KCND2: variants seen among roughly 807,000 people sequenced by gnomAD.
KCND2 encodes the protein potassium voltage-gated channel subfamily D member 2, also known as A-type voltage-gated potassium channel KCND2.
KCND2 carries 16 observed loss-of-function variants against 54.4 expected under a neutral mutation model. The observed-to-expected ratio is 0.29, with a 90% confidence interval of 0.20 to 0.45. The LOEUF is 0.45. Among genes scored for constraint, KCND2 ranks in the 20% least tolerant of loss-of-function variants. The pLI is 1.00. For missense variants in KCND2, 486 were observed against 824.2 expected (o/e 0.59, Z 5.02); for synonymous variants, 317 against 310.7 (o/e 1.02, Z -0.21).
intron 1 of KCND2, among the ~76,000 whole-genome samples, chr7:120,364,101 ATTTG>A (rs1350464040): frequency 6.6e-6 from 1 of 152,180 alleles, no homozygotes; most frequent in Non-Finnish European, 1.5e-5. Flanking sequence ...CTCAGTAAAT[ATTTG>A]TTGAATGTAT....
chr7:120,331,846 A>G (rs764546881), intron 1 of KCND2, among the ~76,000 whole-genome samples: 146 of 152,190 alleles, frequency 9.6e-4, no homozygotes, highest in Non-Finnish European at 1.9e-3. Flanking sequence ...ATATTGTGTC[A>G]TATCCTAAGA....
At chr7:120,592,419 T>G (rs1792683628) in intron 1 of KCND2, among the ~76,000 whole-genome samples, 1 of 151,890 alleles carries the variant, frequency 6.6e-6, no homozygotes, top group African/African-American at 2.4e-5. Context: ...GTGGTGGTGA[T>G]CCCAGCTACT....
intron 1 of KCND2, among the ~76,000 whole-genome samples, chr7:120,315,825 G>A (rs1799804842): frequency 6.9e-6 from 1 of 144,766 alleles, no homozygotes; most frequent in Admixed American, 7.0e-5. Context: ...TGTAATATTT[G>A]AGATTTTTAA....
intron 1 of KCND2, among the ~76,000 whole-genome samples, chr7:120,620,138 A>G (rs74502789): frequency 0.024 from 3,587 of 152,298 alleles, 111 homozygotes; most frequent in African/African-American, 0.074. Context: ...AATTATGAAA[A>G]GTAAATAACC....
chr7:120,480,968 G>A (rs1802599746), intron 1 of KCND2, among the ~76,000 whole-genome samples: 1 of 152,148 alleles, frequency 6.6e-6, no homozygotes. Flanking sequence ...GCCATTAATG[G>A]AACATCAAGT....
intron 1 of KCND2, among the ~76,000 whole-genome samples, chr7:120,415,004 T>C (rs1382425583): frequency 6.6e-6 from 1 of 152,158 alleles, no homozygotes; most frequent in Non-Finnish European, 1.5e-5. Flanking sequence ...AAGAAAATCA[T>C]CAACCCCCAA....
Position 120,745,973 on chromosome 7 carries a change from A to G in KCND2, c.1661A>G (p.Gln554Arg). ...NVSGSHQGSI[Q>R]ELSTIQIRCV... Reference sequence around the variant, plus strand: ...TCAGGAAGCCATCAAGGTAGTATACAAGAACTCAGCACGATTCAGATCAGA... The same window carrying G: ...TCAGGAAGCCATCAAGGTAGTATACGAGAACTCAGCACGATTCAGATCAGA... Residue 554 changes from glutamine (Q) to arginine (R), a missense_variant, in exon 5 of 6, where the codon CAA becomes CGA. Physicochemically the swap from Gln to Arg is conservative, Grantham distance 43 (BLOSUM62 1). Around this residue, in one of 7 missense-constraint regions of KCND2, gnomAD observed 202 missense variants for 252.7 expected, o/e 0.80. Coordinates refer to ENST00000331113, the MANE Select transcript of KCND2 (RefSeq NM_012281.3). 6.2e-7 allele frequency: 1 copy of G among 1,613,872 alleles called. No individual in the cohort carries two copies.
chr7:120,370,715 T>G (rs1259934085), intron 1 of KCND2, among the ~76,000 whole-genome samples: 2 of 152,010 alleles, frequency 1.3e-5, no homozygotes, highest in Non-Finnish European at 2.9e-5. Context: ...TTGTCCAAGA[T>G]AACAGCGGAA....
rs1353350182 is a variant in KCND2, at chr7:120,740,282, A to T, written c.1279-1252A>T. On this transcript the variant is annotated intron_variant, in intron 2 of 5. Coordinates refer to ENST00000331113, the MANE Select transcript of KCND2 (RefSeq NM_012281.3). ...TGTTTGCATGCACTTCTGTAGTATT[A>T]AAAATTGTGTCATATGTTTATATTT... 6.6e-5 allele frequency among the ~76,000 whole-genome samples: 10 copies of T among 152,216 alleles called. No homozygotes were observed. In the South Asian group the frequency reaches 2.1e-3, roughly 32 times the overall value.
rs539677650 is a variant in KCND2 at position 120,493,148 on chromosome 7, A to T, written c.1115+217401A>T. On this transcript the variant is annotated intron_variant, in intron 1 of 5. Coordinates refer to ENST00000331113, the MANE Select transcript of KCND2 (RefSeq NM_012281.3). ...TGGACACAGACATTCAGACCATAGT[A>T]ATATATGTATAAATAATTCTTATCT... is the stretch of plus-strand genomic sequence containing the variant. Among the ~76,000 whole-genome samples, 4 of 151,598 alleles carry T rather than the reference A, an allele frequency of 2.6e-5. No homozygotes were observed. The East Asian group carries it at 5.8e-4, about 22-fold the overall frequency.
At chr7:120,288,298 A>G (rs1462883455) in intron 1 of KCND2, among the ~76,000 whole-genome samples, 1 of 152,150 alleles carries the variant, frequency 6.6e-6, no homozygotes, top group Non-Finnish European at 1.5e-5. Flanking sequence ...TGAAACTAGA[A>G]TAGTCTTTGG....
At chr7:120,611,447 T>C (rs913092732) in intron 1 of KCND2, among the ~76,000 whole-genome samples, 2 of 152,138 alleles carry the variant, frequency 1.3e-5, no homozygotes, top group South Asian at 2.1e-4. Context: ...GCAGGGGGTG[T>C]AGGTTAGCAT....
intron 1 of KCND2, among the ~76,000 whole-genome samples, chr7:120,358,866 C>T (rs989374277): frequency 3.5e-4 from 54 of 152,288 alleles, no homozygotes; most frequent in African/African-American, 1.3e-3. Context: ...TATGTTTTCA[C>T]AACTATATGC....
At chr7:120,433,178 A>G (rs1422519749) in intron 1 of KCND2, among the ~76,000 whole-genome samples, 3 of 152,184 alleles carry the variant, frequency 2.0e-5, no homozygotes, top group South Asian at 2.1e-4. Context: ...CAGAGATTTC[A>G]TATTTCCCAG....
chr7:120,372,869 A>C (rs1800783466), intron 1 of KCND2, among the ~76,000 whole-genome samples: 1 of 151,966 alleles, frequency 6.6e-6, no homozygotes, highest in African/African-American at 2.4e-5. Flanking sequence ...AGAATGGAAT[A>C]GCTGCCACCA....
chr7:120,729,662 G>A (rs561230318), intron 1 of KCND2, among the ~76,000 whole-genome samples: 4 of 152,294 alleles, frequency 2.6e-5, no homozygotes, highest in East Asian at 1.9e-4. Context: ...GAGCATAAAC[G>A]TGAGAGAAGA....
chr7:120,708,599 T>G (rs1036781870), intron 1 of KCND2, among the ~76,000 whole-genome samples: 1 of 152,150 alleles, frequency 6.6e-6, no homozygotes, highest in East Asian at 1.9e-4. Context: ...TAATGTTTCT[T>G]GTACACATCA....
At chr7:120,324,483 G>T (rs1235402985) in intron 1 of KCND2, among the ~76,000 whole-genome samples, 1 of 149,154 alleles carries the variant, frequency 6.7e-6, no homozygotes, top group African/African-American at 2.5e-5. Flanking sequence ...TGTATAAGGT[G>T]TAAGGAAGGG....
At chr7:120,638,107 C>G (rs1018902157) in intron 1 of KCND2, among the ~76,000 whole-genome samples, 1 of 152,108 alleles carries the variant, frequency 6.6e-6, no homozygotes, top group African/African-American at 2.4e-5. Flanking sequence ...AAAAGTTTCA[C>G]AAGTAAATTT....
Sources: allele counts gnomAD v4.1 joint callset (sites outside exome capture counted in the v4.1 genomes callset), GRCh38; gene constraint gnomAD v4.1.1; regional missense constraint gnomAD v4.1.1; transcripts MANE v1.5; gene names NCBI Gene and HGNC (gene_info 2026-07-23, HGNC 2026-07-21).